The following USP34 variants were observed in gnomAD, a reference collection of about 807,000 sequenced individuals.
The protein encoded by USP34 is ubiquitin specific peptidase 34, also known as ubiquitin carboxyl-terminal hydrolase 34.
Under a neutral mutation model 460.3 loss-of-function variants are expected in USP34, and 70 were observed. The observed-to-expected ratio is 0.15, with a 90% CI of 0.13 to 0.19. The LOEUF is 0.19. Among genes scored for constraint, USP34 ranks in the 10% least tolerant of loss-of-function variants. USP34 has a pLI of 1.00. For synonymous variants in USP34, 1,647 were observed against 1,405.3 expected, an observed-to-expected ratio of 1.17 and a Z score of -3.85; for missense variants, 3,985 against 4,236.2, an observed-to-expected ratio of 0.94 and a Z score of 1.65.
At chr2:61,227,425 C>T (rs972034211) in intron 61 of USP34, among the ~76,000 whole-genome samples, 8 of 152,100 alleles carry the variant, frequency 5.3e-5, no homozygotes, top group Non-Finnish European at 1.2e-4. Flanking sequence ...TAAAGAATAA[C>T]AATTCTCTGC....
rs528561023 is a variant in USP34 at position 61,292,568 on chromosome 2, G to A, written c.4548+896C>T. Among the ~76,000 whole-genome samples, 8 of 152,188 alleles carry A rather than the reference G, an allele frequency of 5.3e-5. No individual in the cohort carries two copies. In the South Asian group the frequency reaches 1.5e-3, roughly 28 times the overall value. On this transcript the variant is annotated intron_variant, in intron 33 of 79. Transcript: ENST00000398571. ...ACATGTAAAATACACTAACACTGACGATAGCTGATGAGCTAACAAATTTAG... is the reference window on the plus strand; with the variant it reads ...ACATGTAAAATACACTAACACTGACAATAGCTGATGAGCTAACAAATTTAG...
chr2:61,311,775 T>A lies in USP34; in HGVS notation c.3669+9A>T, dbSNP rs541458540. 1 of 1,613,110 alleles carries A rather than the reference T, an allele frequency of 6.2e-7. No individual in the cohort carries two copies. The highest frequency in any genetic ancestry group is 8.5e-7 in the Non-Finnish European group (1 of 1,179,738). ...GTTATCAACTTCGAAATTAAAACTA[T>A]GTAAGTACCTTGTCAGGAAGTCCAG... On this transcript the variant is annotated intron_variant, in intron 26 of 79. Transcript: ENST00000398571.
intron 48 of USP34, among the ~76,000 whole-genome samples, chr2:61,253,361 A>G (rs1014397645): frequency 1.3e-5 from 2 of 152,170 alleles, no homozygotes; most frequent in Non-Finnish European, 2.9e-5. Flanking sequence ...TTGGTGACTC[A>G]TTTATTATAT....
intron 19 of USP34, 101 bp from the exon 20 acceptor site, chr2:61,331,472 T>C (rs991802869): frequency 6.2e-6 from 6 of 968,590 alleles, no homozygotes; most frequent in Non-Finnish European, 8.4e-6. Flanking sequence ...AATCTTCAAA[T>C]GTAAAATTTT....
chr2:61,416,066 G>A (rs901188671), intron 2 of USP34, among the ~76,000 whole-genome samples: 1 of 152,140 alleles, frequency 6.6e-6, no homozygotes, highest in African/African-American at 2.4e-5. Context: ...CAATTCTGCT[G>A]AAAGAATGAA....
At chr2:61,260,617 T>C (rs1340075992) in intron 43 of USP34, among the ~76,000 whole-genome samples, 2 of 152,168 alleles carry the variant, frequency 1.3e-5, no homozygotes, top group Non-Finnish European at 2.9e-5. Context: ...CTGTTCAGCA[T>C]ATAATTACTA....
At chr2:61,277,959 G>A (rs529422313) in intron 41 of USP34, 14 of 560,934 alleles carry the variant, frequency 2.5e-5, no homozygotes, top group African/African-American at 7.6e-5. Flanking sequence ...CGACTTGCTC[G>A]GACTTGCCCG....
At chr2:61,192,203 G>GTAGA (rs1269482637) in intron 76 of USP34, among the ~76,000 whole-genome samples, 1 of 152,222 alleles carries the variant, frequency 6.6e-6, no homozygotes, top group Non-Finnish European at 1.5e-5. Flanking sequence ...TTCCAATGGG[G>GTAGA]TAGAGCAGAT....
rs74665131 is a variant in USP34, at chr2:61,347,903, T to C, written c.2252A>G (p.His751Arg). The C allele has an allele frequency of 2.5e-6, 4 of 1,613,652 alleles. No homozygotes were observed. Among genetic ancestry groups the C allele is most frequent in the Admixed American group, 3.3e-5 (2 of 59,976 alleles). ...GTGGTGGTGATGGTGGTGGTGGTGG[T>C]GGTGATGCTGTGGACCAATAAATTG... ...CRQFIGPQHHHHHHHHHHHHD... is the reference protein window; with the variant it reads ...CRQFIGPQHHRHHHHHHHHHD... The change falls in exon 15 of 80, where the codon CAC becomes CGC. Residue 751 changes from histidine (H) to arginine (R), a missense_variant. Physicochemically the swap from His to Arg is conservative, Grantham distance 29 (BLOSUM62 0). This residue lies in a region of USP34 where 716 missense variants were observed against 626.2 expected (regional missense o/e 1.14). Transcript: ENST00000398571.
chr2:61,368,247 C>A (rs1692498216), intron 10 of USP34, among the ~76,000 whole-genome samples: 1 of 152,152 alleles, frequency 6.6e-6, no homozygotes, highest in South Asian at 2.1e-4. Context: ...TCTTGGCCAA[C>A]ATGGTGAAAC....
intron 76 of USP34, among the ~76,000 whole-genome samples, chr2:61,191,732 G>A (rs1686649945): frequency 6.6e-6 from 1 of 152,132 alleles, no homozygotes. Context: ...AAAGCAATAG[G>A]GAGCAATAGG....
chr2:61,188,884 TAA>T, intron 79 of USP34, 24 bp downstream of exon 79: 1 of 1,613,026 alleles, frequency 6.2e-7, no homozygotes. Context: ...ACCCTAAAGG[TAA>T]TGATAGTAGT....
At chr2:61,207,000 CAT>C (rs1447550684) in intron 70 of USP34, 114 bp from the exon 71 acceptor site, 75 of 1,154,630 alleles carry the variant, frequency 6.5e-5, no homozygotes, top group South Asian at 3.8e-4. Flanking sequence ...TGTGTGTGCA[CAT>C]GTGTGCAAAG....
intron 1 of USP34, among the ~76,000 whole-genome samples, chr2:61,455,891 G>C (rs771334814): frequency 2.2e-4 from 34 of 152,130 alleles, no homozygotes; most frequent in Non-Finnish European, 4.7e-4. Flanking sequence ...GCATTAAGAG[G>C]TAAGGGAACT....
chr2:61,389,407 G>A (rs1454503702), intron 5 of USP34, among the ~76,000 whole-genome samples: 1 of 152,116 alleles, frequency 6.6e-6, no homozygotes, highest in Non-Finnish European at 1.5e-5. Context: ...AGAGGGCATA[G>A]TTATATCTTT....
intron 18 of USP34, among the ~76,000 whole-genome samples, chr2:61,336,119 TTGTGTG>T (rs745658418): frequency 8.0e-5 from 12 of 150,098 alleles, no homozygotes; most frequent in East Asian, 5.9e-4. Flanking sequence ...GCAAAACAAA[TTGTGTG>T]TGTGTGTGTG....
intron 18 of USP34, among the ~76,000 whole-genome samples, chr2:61,336,404 G>A (rs995357423): frequency 1.3e-5 from 2 of 151,586 alleles, no homozygotes; most frequent in South Asian, 4.2e-4. Context: ...GGACTTACAC[G>A]CGTGAGACAC....
chr2:61,383,399 A>G (rs948377756), intron 5 of USP34, 63 bp from the exon 6 acceptor site: 26 of 1,270,630 alleles, frequency 2.0e-5, no homozygotes, highest in Non-Finnish European at 2.5e-5. Context: ...ATCTTTCACT[A>G]AACTAATGAA....
At chr2:61,340,517 C>A (rs1231626815) in intron 16 of USP34, among the ~76,000 whole-genome samples, 1 of 152,202 alleles carries the variant, frequency 6.6e-6, no homozygotes, top group Non-Finnish European at 1.5e-5. Context: ...ACATTCCCAT[C>A]AGCAGTGTAT....
Sources: gnomAD v4.1 joint callset for allele counts (sites outside exome capture counted in the v4.1 genomes callset) on GRCh38, gnomAD v4.1.1 for gene constraint, gnomAD v4.1.1 regional missense constraint, MANE v1.5 for transcripts, NCBI Gene and HGNC (gene_info 2026-07-23, HGNC 2026-07-21) for gene names.